ATXN7L1: variants seen among roughly 807,000 people sequenced by gnomAD.
ATXN7L1 encodes the protein ataxin-7-like protein 1.
ATXN7L1 carries 15 observed loss-of-function variants against 70.8 expected under a neutral mutation model. The observed-to-expected ratio is 0.21, with a 90% CI of 0.14 to 0.33. ATXN7L1 has a LOEUF of 0.33. Ranked by LOEUF, ATXN7L1 falls within the 10% of genes least tolerant of loss-of-function variation. The pLI, the probability that ATXN7L1 is intolerant of heterozygous loss-of-function variation, is 1.00. For synonymous variants in ATXN7L1, 440 were observed against 445.1 expected (o/e 0.99, Z 0.14); for missense variants, 975 against 1,097.1 (o/e 0.89, Z 1.57).
intron 2 of ATXN7L1, among the ~76,000 whole-genome samples, chr7:105,804,098 C>T (rs994656481): frequency 6.6e-6 from 1 of 152,168 alleles, no homozygotes; most frequent in Admixed American, 6.5e-5. Flanking sequence ...TGGCCAAGCT[C>T]CAGAGGCTAG....
chr7:105,840,746 C>A (rs750520505), intron 2 of ATXN7L1, among the ~76,000 whole-genome samples: 1 of 152,218 alleles, frequency 6.6e-6, no homozygotes, highest in Non-Finnish European at 1.5e-5. Flanking sequence ...ATTCTGTCTA[C>A]AGACCGCCTT....
chr7:105,671,092 G>A (rs1803534355), intron 3 of ATXN7L1, among the ~76,000 whole-genome samples: 4 of 116,902 alleles, frequency 3.4e-5, no homozygotes, highest in South Asian at 3.8e-4. Flanking sequence ...GGGCGACAGC[G>A]AGACTACGTC....
intron 2 of ATXN7L1, among the ~76,000 whole-genome samples, chr7:105,811,849 G>A (rs1808479460): frequency 6.6e-6 from 1 of 152,074 alleles, no homozygotes; most frequent in African/African-American, 2.4e-5. Context: ...CATGGCTCCT[G>A]GTGGGCCAAG....
At chr7:105,855,247 G>A (rs2116641881) in intron 2 of ATXN7L1, among the ~76,000 whole-genome samples, 1 of 152,250 alleles carries the variant, frequency 6.6e-6, no homozygotes, top group East Asian at 1.9e-4. Flanking sequence ...GCCACTGTGG[G>A]TAGTAAAAAT....
chr7:105,804,941 G>T (rs1807340207), intron 2 of ATXN7L1, among the ~76,000 whole-genome samples: 1 of 152,190 alleles, frequency 6.6e-6, no homozygotes, highest in African/African-American at 2.4e-5. Context: ...AGGGAGACAG[G>T]CAGGCAGGGA....
At chr7:105,847,193 G>C (rs539415039) in intron 2 of ATXN7L1, among the ~76,000 whole-genome samples, 4 of 152,142 alleles carry the variant, frequency 2.6e-5, no homozygotes, top group Non-Finnish European at 5.9e-5. Flanking sequence ...AGACTACATG[G>C]GAGGCGTGTT....
chr7:105,763,374 C>T (rs1800791894), intron 3 of ATXN7L1, among the ~76,000 whole-genome samples: 1 of 152,150 alleles, frequency 6.6e-6, no homozygotes, highest in South Asian at 2.1e-4. Flanking sequence ...GGAGGAGCTC[C>T]CCAGGACCTG....
chr7:105,658,511 T>C (rs960115320), intron 4 of ATXN7L1, among the ~76,000 whole-genome samples: 1 of 149,162 alleles, frequency 6.7e-6, no homozygotes, highest in African/African-American at 2.5e-5. Flanking sequence ...AACGCTGTTA[T>C]GTGGCACATA....
At chr7:105,659,008 G>T (rs1424589807) in intron 4 of ATXN7L1, among the ~76,000 whole-genome samples, 2 of 152,150 alleles carry the variant, frequency 1.3e-5, no homozygotes, top group Non-Finnish European at 2.9e-5. Flanking sequence ...ATGGTGGTGG[G>T]CACCTGTAAT....
At chr7:105,840,538 T>A (rs1056175494) in intron 2 of ATXN7L1, among the ~76,000 whole-genome samples, 7 of 152,262 alleles carry the variant, frequency 4.6e-5, no homozygotes, top group African/African-American at 1.7e-4. Flanking sequence ...GATTCTCAGA[T>A]TCACCAGTGC....
intron 3 of ATXN7L1, among the ~76,000 whole-genome samples, chr7:105,692,827 T>C (rs776210005): frequency 2.0e-5 from 3 of 151,912 alleles, no homozygotes; most frequent in Non-Finnish European, 4.4e-5. Context: ...ATCCTTGAAT[T>C]CCTGGGCTCA....
chr7:105,764,781 G>A (rs1801020922), intron 3 of ATXN7L1, among the ~76,000 whole-genome samples: 2 of 152,030 alleles, frequency 1.3e-5, no homozygotes, highest in South Asian at 4.2e-4. Flanking sequence ...ATGGACAGGA[G>A]GCACATCAAA....
intron 3 of ATXN7L1, among the ~76,000 whole-genome samples, chr7:105,753,973 C>T (rs1007537906): frequency 6.7e-6 from 1 of 148,470 alleles, no homozygotes; most frequent in African/African-American, 2.4e-5. Flanking sequence ...AGCTCTGCCC[C>T]CCCAAAAGCC....
Position 105,875,827 on chromosome 7 carries a change from T to C in ATXN7L1, c.235A>G (p.Arg79Gly). The change falls in exon 2 of 12, where the codon AGG (arginine) becomes GGG (glycine). Residue 79 changes from arginine to glycine, a missense_variant. Around this residue, in one of 5 missense-constraint regions of ATXN7L1, gnomAD observed 135 missense variants for 132.6 expected, o/e 1.02. Coordinates refer to ENST00000419735, the MANE Select transcript of ATXN7L1 (RefSeq NM_020725.2). ...CTCCACTTACCTTCTTTATTAAGCC[T>C]CATAACCTCCCTGCTTTTTCCACCC... ...KEGGKSREVMRLNKEDMHLFG... is the reference protein window; with the variant it reads ...KEGGKSREVMGLNKEDMHLFG... The C allele has an allele frequency of 6.2e-7, 1 of 1,613,454 alleles. No homozygotes were observed. The highest frequency in any genetic ancestry group is 8.5e-7 in the Non-Finnish European group (1 of 1,179,674).
At chr7:105,783,207 C>T (rs1803787336) in intron 3 of ATXN7L1, among the ~76,000 whole-genome samples, 1 of 152,176 alleles carries the variant, frequency 6.6e-6, no homozygotes, top group Non-Finnish European at 1.5e-5. Context: ...CATGACTTTT[C>T]CACTATGACA....
chr7:105,704,584 CTTT>C (rs11329205), intron 3 of ATXN7L1, among the ~76,000 whole-genome samples: 25 of 89,502 alleles, frequency 2.8e-4, no homozygotes, highest in East Asian at 2.5e-3. Flanking sequence ...GGTTTTATCT[CTTT>C]TTTTTTTTTT....
chr7:105,845,457 T>C (rs1813875641), intron 2 of ATXN7L1, among the ~76,000 whole-genome samples: 1 of 136,316 alleles, frequency 7.3e-6, no homozygotes, highest in African/African-American at 2.7e-5. Flanking sequence ...GTTGCTAAGA[T>C]GGTTTGCATT....
At chr7:105,806,769 G>C (rs1230595495) in intron 2 of ATXN7L1, among the ~76,000 whole-genome samples, 1 of 152,118 alleles carries the variant, frequency 6.6e-6, no homozygotes, top group East Asian at 1.9e-4. Context: ...GAAGTGCCCA[G>C]GAGGACCCAG....
rs1264390541 is a variant in ATXN7L1 at position 105,733,632 on chromosome 7, A to AT, written c.355+54971_355+54972insA. ...CATCCATCCATCCATCCATCCATCC[A>AT]CCCATCCATCCATCCATCCATCCAT... On this transcript the variant is annotated intron_variant, in intron 3 of 11. Coordinates refer to ENST00000419735, the MANE Select transcript of ATXN7L1 (RefSeq NM_020725.2). Among the ~76,000 whole-genome samples the AT allele has an allele frequency of 5.4e-4, 70 of 128,800 alleles. 5 individuals are homozygous for AT. Among genetic ancestry groups the AT allele is most frequent in the Admixed American group, 1.1e-3 (14 of 13,000 alleles). 84.5% of individuals were successfully genotyped at this position (128,800 alleles called of 152,430 possible).
Sources: gnomAD v4.1 joint callset for allele counts (sites outside exome capture counted in the v4.1 genomes callset) on GRCh38, gnomAD v4.1.1 for gene constraint, gnomAD v4.1.1 regional missense constraint, MANE v1.5 for transcripts, NCBI Gene and HGNC (gene_info 2026-07-23, HGNC 2026-07-21) for gene names.